DENND1B: variants seen among roughly 807,000 people sequenced by gnomAD.
DENND1B encodes the protein DENN domain containing 1B.
DENND1B carries 59 observed loss-of-function variants against 90.1 expected under a neutral mutation model. That is an observed-to-expected ratio of 0.65 (90% CI 0.53 to 0.81). DENND1B has a LOEUF of 0.81. DENND1B is among the 40% of genes least tolerant of loss of function. The pLI is 0.00. For missense variants in DENND1B, 862 were observed against 912.6 expected, an observed-to-expected ratio of 0.94 and a Z score of 0.71; for synonymous variants, 337 against 324.6, an observed-to-expected ratio of 1.04 and a Z score of -0.41.
chr1:197,554,606 G>A (rs969161969), intron 15 of DENND1B, among the ~76,000 whole-genome samples: 4 of 151,814 alleles, frequency 2.6e-5, no homozygotes, highest in Admixed American at 6.6e-5. Context: ...TTGGGAGGCC[G>A]AGGTGGAGGG....
intron 5 of DENND1B, among the ~76,000 whole-genome samples, chr1:197,668,728 T>C (rs1439172412): frequency 6.6e-6 from 1 of 151,884 alleles, no homozygotes; most frequent in Non-Finnish European, 1.5e-5. Flanking sequence ...ATAAATACCT[T>C]TGTTCATACT....
chr1:197,777,861 T>G (rs1657339900), upstream of DENND1B, among the ~76,000 whole-genome samples: 1 of 152,166 alleles, frequency 6.6e-6, no homozygotes, highest in African/African-American at 2.4e-5. Flanking sequence ...ATGTGGTTTG[T>G]AAAGAATATA....
At chr1:197,589,468 G>T (rs1447909473) in intron 14 of DENND1B, among the ~76,000 whole-genome samples, 1 of 152,098 alleles carries the variant, frequency 6.6e-6, no homozygotes, top group Non-Finnish European at 1.5e-5. Flanking sequence ...TGACATGAAA[G>T]GATGTGTAAA....
chr1:197,540,045 A>G lies in DENND1B; in HGVS notation c.1434T>C (p.Cys478=). 1 of 1,611,198 alleles carries G rather than the reference A, an allele frequency of 6.2e-7. No individual in the cohort carries two copies. The highest frequency in any genetic ancestry group is 8.5e-7 in the Non-Finnish European group (1 of 1,178,702). Residue 478 remains cysteine (C), a synonymous_variant, in exon 20 of 23, where the codon TGT becomes TGC. Coordinates refer to ENST00000620048, the MANE Select transcript of DENND1B (RefSeq NM_001195215.2). ...HKENEEDYGT[C]SSSVQYTPVY... is the part of the protein sequence containing the mutation. ...CTGGTGTATATTGTACAGAACTAGA[A>G]CAGGTCCCATAATCTTCTTCATTTT... is the stretch of plus-strand genomic sequence containing the variant.
At position 197,620,560 on chromosome 1, in the gene DENND1B, G is replaced by A. The variant is rs1375133330; in HGVS notation, c.673-2801C>T. Among the ~76,000 whole-genome samples the A allele has an allele frequency of 2.6e-5, 4 of 151,068 alleles. No individual in the cohort carries two copies. In the South Asian group the frequency reaches 8.3e-4, roughly 31 times the overall value. ...GATTTCTTCTACCCTGGTGGCTAACGGAATACTATGACTGGACTATAATTC... is the reference window on the plus strand; with the variant it reads ...GATTTCTTCTACCCTGGTGGCTAACAGAATACTATGACTGGACTATAATTC... On this transcript the variant is annotated intron_variant, in intron 10 of 22. Transcript: ENST00000620048.
chr1:197,549,464 T>C (rs1239562591), intron 16 of DENND1B, among the ~76,000 whole-genome samples: 1 of 152,178 alleles, frequency 6.6e-6, no homozygotes, highest in East Asian at 1.9e-4. Context: ...ATGCTAGTGA[T>C]AGAGAGTAAC....
rs983244276 is a variant in DENND1B at position 197,595,672 on chromosome 1, G to A, written c.922-339C>T. On this transcript the variant is annotated intron_variant, in intron 13 of 22. Transcript: ENST00000620048. The stretch of plus-strand genomic sequence containing the variant: ...TACAACATGTGTCTACTTGTTTTGA[G>A]ATGAAGCAGGTTAGGTTTTGTTCGT... Among the ~76,000 whole-genome samples, 4 of 152,162 alleles carry A rather than the reference G, an allele frequency of 2.6e-5. No homozygotes were observed. The East Asian group carries it at 5.8e-4, about 22-fold the overall frequency.
intron 10 of DENND1B, among the ~76,000 whole-genome samples, chr1:197,634,656 A>C (rs879428308): frequency 2.6e-5 from 4 of 152,192 alleles, no homozygotes; most frequent in Non-Finnish European, 5.9e-5. Context: ...GAAAATAGCT[A>C]AACACAAATC....
chr1:197,615,423 T>C (rs12744898), intron 11 of DENND1B, among the ~76,000 whole-genome samples: 24,148 of 150,986 alleles, frequency 0.16, 2,224 homozygotes, highest in Non-Finnish European at 0.2. Context: ...AGAAATACTT[T>C]ATGGAGGTAG....
chr1:197,742,576 T>C (rs975102509), intron 2 of DENND1B, among the ~76,000 whole-genome samples: 3 of 152,078 alleles, frequency 2.0e-5, no homozygotes, highest in Non-Finnish European at 4.4e-5. Flanking sequence ...GTACAAAATA[T>C]TTGAAACAAA....
chr1:197,607,653 G>A (rs1221585732), intron 12 of DENND1B, among the ~76,000 whole-genome samples: 1 of 150,594 alleles, frequency 6.6e-6, no homozygotes, highest in African/African-American at 2.4e-5. Flanking sequence ...GTATATGTTG[G>A]TGATGAGGAC....
intron 2 of DENND1B, among the ~76,000 whole-genome samples, chr1:197,755,407 T>C (rs1654150324): frequency 6.6e-6 from 1 of 151,426 alleles, no homozygotes; most frequent in South Asian, 2.1e-4. Flanking sequence ...AGTATACACT[T>C]AAGAGTAGTA....
chr1:197,574,436 A>C (rs1401249004), intron 15 of DENND1B, among the ~76,000 whole-genome samples: 1 of 152,218 alleles, frequency 6.6e-6, no homozygotes, highest in Admixed American at 6.5e-5. Flanking sequence ...TCAACAAAAT[A>C]AAAGAGGACA....
intron 13 of DENND1B, chr1:197,606,067 T>G (rs935606474): frequency 2.6e-5 from 4 of 151,158 alleles, no homozygotes; most frequent in Non-Finnish European, 4.4e-5. Flanking sequence ...ATGCTTTGTT[T>G]TTTTAAAAAG....
At chr1:197,534,949 T>C (rs1206635166) in intron 20 of DENND1B, among the ~76,000 whole-genome samples, 3 of 152,176 alleles carry the variant, frequency 2.0e-5, no homozygotes, top group Admixed American at 6.5e-5. Flanking sequence ...GCCTCTTCCA[T>C]AACATACTGT....
chr1:197,603,961 C>A (rs556892044), intron 13 of DENND1B, among the ~76,000 whole-genome samples: 62 of 151,268 alleles, frequency 4.1e-4, no homozygotes, highest in South Asian at 1.7e-3. Flanking sequence ...TACAATAACA[C>A]TAACTGTGAT....
At chr1:197,538,982 A>G (rs1670127129) in intron 20 of DENND1B, among the ~76,000 whole-genome samples, 1 of 152,048 alleles carries the variant, frequency 6.6e-6, no homozygotes, top group African/African-American at 2.4e-5. Flanking sequence ...TTGATCTTGG[A>G]CTTTCCAGCC....
intron 3 of DENND1B, among the ~76,000 whole-genome samples, chr1:197,693,577 C>G (rs959449271): frequency 6.6e-6 from 1 of 151,534 alleles, no homozygotes; most frequent in Non-Finnish European, 1.5e-5. Flanking sequence ...GAAAATATAT[C>G]TAATAAGTAA....
intron 15 of DENND1B, among the ~76,000 whole-genome samples, chr1:197,565,193 A>C (rs911811766): frequency 2.6e-5 from 4 of 152,080 alleles, no homozygotes; most frequent in Non-Finnish European, 5.9e-5. Context: ...AAAATGTAGA[A>C]ATCTGTAACA....
Sources: allele counts gnomAD v4.1 joint callset (sites outside exome capture counted in the v4.1 genomes callset), GRCh38; gene constraint gnomAD v4.1.1; transcripts MANE v1.5; gene names NCBI Gene and HGNC (gene_info 2026-07-23, HGNC 2026-07-21).